The following DHRS7B variants were observed in gnomAD, a reference collection of about 807,000 sequenced individuals.
The protein encoded by DHRS7B is dehydrogenase/reductase 7B, also known as peroxisomal reductase activating PPAR-gamma.
Under a neutral mutation model 26.4 loss-of-function variants are expected in DHRS7B, and 24 were observed. That is an observed-to-expected ratio of 0.91 (90% CI 0.66 to 1.28). The LOEUF (loss-of-function observed/expected upper bound fraction) is 1.28. DHRS7B is among the 50% of genes most tolerant of loss of function. DHRS7B has a pLI of 0.00. For missense variants in DHRS7B, 368 were observed against 419.4 expected (o/e 0.88, Z 1.07); for synonymous variants, 142 against 166.4 (o/e 0.85, Z 1.13).
chr17:21,130,050 C>A (rs1973195248), intron 1 of DHRS7B, among the ~76,000 whole-genome samples: 1 of 152,280 alleles, frequency 6.6e-6, no homozygotes, highest in South Asian at 2.1e-4. Context: ...GGCTAAACTT[C>A]CACAGTGATA....
intron 1 of DHRS7B, among the ~76,000 whole-genome samples, chr17:21,143,021 TG>T (rs1195347759): frequency 1.3e-5 from 2 of 152,206 alleles, no homozygotes; most frequent in East Asian, 3.8e-4. Context: ...CTCCACCTCC[TG>T]GGTTCAAGTG....
At chr17:21,133,426 A>C (rs941085013) in intron 1 of DHRS7B, among the ~76,000 whole-genome samples, 5 of 152,138 alleles carry the variant, frequency 3.3e-5, no homozygotes, top group African/African-American at 1.2e-4. Context: ...GCCCCCCTTC[A>C]GGGGCTTCCA....
chr17:21,129,704 C>CAAAAAAAAAAAAAAA, intron 1 of DHRS7B, among the ~76,000 whole-genome samples: 1 of 74,780 alleles, frequency 1.3e-5, no homozygotes, highest in Non-Finnish European at 2.6e-5. Context: ...GACCCTGACT[C>CAAAAAAAAAAAAAAA]AAAAAAAAAA....
intron 1 of DHRS7B, among the ~76,000 whole-genome samples, chr17:21,142,740 G>A (rs1229297532): frequency 6.6e-5 from 10 of 151,608 alleles, no homozygotes; most frequent in Admixed American, 5.9e-4. Context: ...GTAGGTGAGA[G>A]ACAATTGATA....
At position 21,178,554 on chromosome 17, in the gene DHRS7B, C is replaced by T. The variant is rs747552538; in HGVS notation, c.309+212C>T. Among the ~76,000 whole-genome samples the T allele has an allele frequency of 3.3e-5, 5 of 152,150 alleles. 1 individual carries two copies. The South Asian group carries it at 1.0e-3, about 32-fold the overall frequency. ...GTTTACATCCTGATGCCCCTACTGGCTAGCACTGTGAGTTGAGAAAGTTCT... is the reference window on the plus strand; with the variant it reads ...GTTTACATCCTGATGCCCCTACTGGTTAGCACTGTGAGTTGAGAAAGTTCT... On this transcript the variant is annotated intron_variant, in intron 3 of 6. Coordinates refer to ENST00000395511, the MANE Select transcript of DHRS7B (RefSeq NM_015510.5).
intron 1 of DHRS7B, among the ~76,000 whole-genome samples, chr17:21,139,997 T>G (rs1039148015): frequency 4.0e-5 from 6 of 150,240 alleles, no homozygotes. Flanking sequence ...TAGAAACCTT[T>G]TTTTTCCTAT....
rs756505562 is a variant in DHRS7B, at chr17:21,188,880, C to T, written c.772+17C>T. 4.7e-5 allele frequency: 76 copies of T among 1,614,026 alleles called. No homozygotes were observed. The highest frequency in any genetic ancestry group is 3.3e-4 in the Middle Eastern group (2 of 6,084). On this transcript the variant is annotated intron_variant, in intron 6 of 6. Coordinates refer to ENST00000395511, the MANE Select transcript of DHRS7B (RefSeq NM_015510.5). The stretch of plus-strand genomic sequence containing the variant: ...GGTATGGAGGTGAGGCCCGGTTTCT[C>T]TTTTCTCCTATGAAAATCTGTCGGT...
intron 5 of DHRS7B, among the ~76,000 whole-genome samples, chr17:21,186,834 T>C (rs749134979): frequency 2.0e-5 from 3 of 152,166 alleles, no homozygotes; most frequent in Non-Finnish European, 4.4e-5. Context: ...GTAAGCTCTA[T>C]AGCTCTTCTA....
chr17:21,154,306 C>G (rs1268974823), intron 1 of DHRS7B, among the ~76,000 whole-genome samples: 1 of 150,376 alleles, frequency 6.6e-6, no homozygotes, highest in Non-Finnish European at 1.5e-5. Flanking sequence ...GCCAAGCTCT[C>G]TCTCCAAAAA....
chr17:21,129,704 CAAA>C (rs61077377), intron 1 of DHRS7B, among the ~76,000 whole-genome samples: 954 of 74,746 alleles, frequency 0.013, 9 homozygotes, highest in African/African-American at 0.043. Flanking sequence ...GACCCTGACT[CAAA>C]AAAAAAAAAA....
intron 1 of DHRS7B, among the ~76,000 whole-genome samples, chr17:21,136,493 T>C (rs1435632357): frequency 1.3e-5 from 2 of 151,764 alleles, no homozygotes; most frequent in African/African-American, 4.8e-5. Flanking sequence ...GCCTGGGCAA[T>C]GAATGAAACT....
At chr17:21,167,895 G>GC (rs1328342450) in intron 1 of DHRS7B, among the ~76,000 whole-genome samples, 3 of 152,258 alleles carry the variant, frequency 2.0e-5, no homozygotes, top group African/African-American at 7.2e-5. Flanking sequence ...CTTCTTGTAT[G>GC]CCATTTTCAA....
intron 1 of DHRS7B, among the ~76,000 whole-genome samples, chr17:21,166,913 G>A (rs1974127041): frequency 6.6e-6 from 1 of 152,064 alleles, no homozygotes; most frequent in Non-Finnish European, 1.5e-5. Flanking sequence ...TGGGTTTTGA[G>A]ATCCCCTCCT....
At position 21,172,185 on chromosome 17, in the gene DHRS7B, G is replaced by C. The variant is rs769652267; in HGVS notation, c.188G>C (p.Gly63Ala). Reference protein sequence around the residue: ...AVVVITGATSGLGKECAKVFY... With the variant: ...AVVVITGATSALGKECAKVFY... The stretch of plus-strand genomic sequence containing the variant: ...GTGGTGATCACAGGCGCCACCTCAG[G>C]GCTGGGCAAAGGTGGGTCCTGGAGG... The change falls in exon 2 of 7, where the codon GGG becomes GCG. Residue 63 changes from glycine (G) to alanine (A), a missense_variant. Gly to Ala is a moderately conservative substitution (Grantham distance 60). Transcript: ENST00000395511. 4 of 1,611,978 alleles carry C rather than the reference G, an allele frequency of 2.5e-6. No homozygotes were observed. In the African/African-American group the frequency reaches 5.3e-5, roughly 22 times the overall value.
At chr17:21,138,066 T>TTTAAA (rs71357468) in intron 1 of DHRS7B, among the ~76,000 whole-genome samples, 1 of 35,244 alleles carries the variant, frequency 2.8e-5, no homozygotes, top group South Asian at 1.4e-3. Flanking sequence ...CGGCCTCTTT[T>TTTAAA]AAAAAAAAAA....
In DHRS7B at chr17:21,178,335, C is replaced by A; in HGVS notation, c.302C>A (p.Ala101Asp). 1.2e-6 allele frequency: 2 copies of A among 1,613,700 alleles called. No homozygotes were observed. The highest frequency in any genetic ancestry group is 1.7e-6 in the Non-Finnish European group (2 of 1,179,820). Reference protein sequence around the residue: ...ELIRELTASHATKVQTHKPYL... With the variant: ...ELIRELTASHDTKVQTHKPYL... ...ATCAGAGAACTCACCGCTTCTCATGCCACCAAGGTGAGCCAGGGGCGTGCT... is the reference window on the plus strand; with the variant it reads ...ATCAGAGAACTCACCGCTTCTCATGACACCAAGGTGAGCCAGGGGCGTGCT... The change falls in exon 3 of 7, where the codon GCC becomes GAC. Residue 101 changes from alanine (A) to aspartate (D), a missense_variant. Coordinates refer to ENST00000395511, the MANE Select transcript of DHRS7B (RefSeq NM_015510.5).
chr17:21,149,752 C>T (rs766059731), intron 1 of DHRS7B, among the ~76,000 whole-genome samples: 1 of 151,938 alleles, frequency 6.6e-6, no homozygotes, highest in African/African-American at 2.4e-5. Context: ...CTCATGGGAA[C>T]CACAATGCAA....
chr17:21,158,217 A>G (rs1973922695), intron 1 of DHRS7B, among the ~76,000 whole-genome samples: 2 of 152,262 alleles, frequency 1.3e-5, no homozygotes, highest in African/African-American at 4.8e-5. Context: ...TGCTTTAAAA[A>G]AAATTTTTCC....
chr17:21,136,667 T>C (rs1433900088), intron 1 of DHRS7B, among the ~76,000 whole-genome samples: 1 of 152,082 alleles, frequency 6.6e-6, no homozygotes, highest in Admixed American at 6.5e-5. Flanking sequence ...TTCATTCTCC[T>C]GCCTCAGACT....
Sources: allele counts gnomAD v4.1 joint callset (sites outside exome capture counted in the v4.1 genomes callset), GRCh38; gene constraint gnomAD v4.1.1; transcripts MANE v1.5; gene names NCBI Gene and HGNC (gene_info 2026-07-23, HGNC 2026-07-21).